The following RHOBTB1 variants were observed in gnomAD, a reference collection of about 807,000 sequenced individuals.
RHOBTB1 encodes Rho related BTB domain containing 1.
A neutral mutation model predicts 71.6 loss-of-function variants in RHOBTB1; 40 were observed. The ratio of observed to expected loss-of-function variants is 0.56; its 90% CI spans 0.43 to 0.73. The LOEUF (loss-of-function observed/expected upper bound fraction) is 0.73, where lower values mean the gene tolerates loss of function less well. Ranked by LOEUF, RHOBTB1 falls within the 30% of genes least tolerant of loss-of-function variation. The probability of loss-of-function intolerance (pLI) is 0.00; values close to 1 mark genes in which losing one functional copy is unlikely to be tolerated. For synonymous variants in RHOBTB1, 319 were observed against 334.9 expected, an observed-to-expected ratio of 0.95 and a Z score of 0.52; for missense variants, 797 against 894.0, an observed-to-expected ratio of 0.89 and a Z score of 1.38.
chr10:60,907,650 C>CT (rs1035072349), intron 4 of RHOBTB1, among the ~76,000 whole-genome samples: 1 of 152,066 alleles, frequency 6.6e-6, no homozygotes, highest in Non-Finnish European at 1.5e-5. Flanking sequence ...CCTATCAATA[C>CT]TTTTTTTTGG....
At chr10:60,972,390 A>G (rs536642964) in intron 2 of RHOBTB1, among the ~76,000 whole-genome samples, 1 of 152,288 alleles carries the variant, frequency 6.6e-6, no homozygotes, top group East Asian at 1.9e-4. Flanking sequence ...TTGCAGGGAC[A>G]TGGATGAAGC....
intron 2 of RHOBTB1, among the ~76,000 whole-genome samples, chr10:60,981,514 A>T (rs1012762117): frequency 2.0e-5 from 3 of 152,184 alleles, no homozygotes; most frequent in African/African-American, 7.2e-5. Flanking sequence ...CTCTTGCATT[A>T]ACCAAGATTT....
At chr10:60,967,225 T>A (rs2085996105) in intron 2 of RHOBTB1, among the ~76,000 whole-genome samples, 1 of 111,756 alleles carries the variant, frequency 8.9e-6, no homozygotes, top group African/African-American at 3.3e-5. Flanking sequence ...TCAAATGATC[T>A]AAGACCAATT....
intron 1 of RHOBTB1, among the ~76,000 whole-genome samples, chr10:60,986,225 T>G (rs571744449): frequency 2.0e-4 from 30 of 152,040 alleles, no homozygotes; most frequent in Non-Finnish European, 1.2e-4. Flanking sequence ...GATGCTTCCC[T>G]CATCTTCCAG....
the RHOBTB1 span, among the ~76,000 whole-genome samples, chr10:60,862,785 TTTC>T: frequency 1.3e-5 from 2 of 150,966 alleles, no homozygotes; most frequent in East Asian, 3.9e-4. Flanking sequence ...TTCCTCTTTC[TTTC>T]TTCCTTTCTT....
At chr10:60,923,809 A>C (rs543482949) in intron 2 of RHOBTB1, among the ~76,000 whole-genome samples, 4 of 152,156 alleles carry the variant, frequency 2.6e-5, no homozygotes, top group Admixed American at 2.0e-4. Context: ...TTCTGCTTTC[A>C]CTTGGATCTC....
intron 2 of RHOBTB1, among the ~76,000 whole-genome samples, chr10:60,921,455 G>A (rs1026786447): frequency 2.0e-5 from 3 of 152,202 alleles, no homozygotes; most frequent in African/African-American, 7.2e-5. Context: ...AAGACACACT[G>A]CAAACATCCT....
intron 9 of RHOBTB1, 92 bp downstream of exon 9, chr10:60,874,862 T>C (rs2080967485): frequency 3.3e-6 from 3 of 906,402 alleles, no homozygotes; most frequent in Non-Finnish European, 5.4e-6. Flanking sequence ...GGTGACATCT[T>C]CATTTAGACA....
chr10:60,899,698 T>G (rs932523197), intron 4 of RHOBTB1, among the ~76,000 whole-genome samples: 5 of 152,234 alleles, frequency 3.3e-5, no homozygotes, highest in Non-Finnish European at 5.9e-5. Flanking sequence ...GTACCAGGCA[T>G]TCTTCTAGAC....
upstream of RHOBTB1, among the ~76,000 whole-genome samples, chr10:61,001,861 A>G (rs183209812): frequency 4.6e-3 from 701 of 152,256 alleles, 3 homozygotes; most frequent in Non-Finnish European, 7.0e-3. Flanking sequence ...CCTCCCCAGG[A>G]CCCACCCACC....
chr10:60,892,957 G>A lies in RHOBTB1; in HGVS notation c.335C>T (p.Pro112Leu). The A allele has an allele frequency of 6.2e-7, 1 of 1,613,772 alleles. No individual in the cohort carries two copies. Among genetic ancestry groups the A allele is most frequent in the African/African-American group, 1.3e-5 (1 of 74,952 alleles). Residue 112 changes from proline (P) to leucine (L), a missense_variant, in exon 5 of 11, where the codon CCC (proline) becomes CTC (leucine). This residue lies in a region of RHOBTB1 where 139 missense variants were observed against 212.5 expected (regional missense o/e 0.65). Coordinates refer to ENST00000337910, the MANE Select transcript of RHOBTB1 (RefSeq NM_014836.5). The part of the protein sequence containing the change: ...VVVLCFSIAN[P>L]NSLNHVKSMW... Reference sequence around the variant, plus strand: ...GCTTTTCACATGATTTAGGGAATTGGGATTAGCAATCGAAAAACAGAGGAC... The same window carrying A: ...GCTTTTCACATGATTTAGGGAATTGAGATTAGCAATCGAAAAACAGAGGAC...
intron 4 of RHOBTB1, among the ~76,000 whole-genome samples, chr10:60,899,434 G>C (rs779142114): frequency 6.6e-6 from 1 of 152,128 alleles, no homozygotes; most frequent in Non-Finnish European, 1.5e-5. Context: ...CAAGTTGCAC[G>C]CATAAGAAAA....
At chr10:60,911,060 T>C (rs1469818981) in intron 3 of RHOBTB1, 70 bp from the exon 4 acceptor site, 2 of 1,173,180 alleles carry the variant, frequency 1.7e-6, no homozygotes, top group Non-Finnish European at 2.5e-6. Context: ...CGTGTTCAAG[T>C]CAGCACCCTC....
At chr10:60,984,040 C>A (rs115493921) in intron 2 of RHOBTB1, among the ~76,000 whole-genome samples, 40 of 152,308 alleles carry the variant, frequency 2.6e-4, no homozygotes, top group African/African-American at 9.6e-4. Flanking sequence ...CACTTAAAAT[C>A]TCTCTAACTT....
rs182293631 is a variant in RHOBTB1 at position 60,876,243 on chromosome 10, T to A, written c.1727-1201A>T. Among the ~76,000 whole-genome samples, 333 of 152,310 alleles carry A rather than the reference T, an allele frequency of 2.2e-3. 2 individuals carry two copies. Among genetic ancestry groups the A allele is most frequent in the African/African-American group, 7.4e-3 (309 of 41,560 alleles). On this transcript the variant is annotated intron_variant, in intron 8 of 10. Transcript: ENST00000337910. ...TTTAAACACCATGTTCTAAACACTC[T>A]ACACTAGACAGTACAAAGCAAATAC...
chr10:60,958,032 C>T (rs1183255517), intron 2 of RHOBTB1, among the ~76,000 whole-genome samples: 1 of 152,132 alleles, frequency 6.6e-6, no homozygotes, highest in African/African-American at 2.4e-5. Flanking sequence ...CAGATACAGA[C>T]CCCACAGTTA....
chr10:60,904,926 A>G (rs1403170365), intron 4 of RHOBTB1, among the ~76,000 whole-genome samples: 2 of 152,236 alleles, frequency 1.3e-5, no homozygotes, highest in Admixed American at 1.3e-4. Flanking sequence ...CACAACCAGT[A>G]ATAATTTTCC....
intron 1 of RHOBTB1, among the ~76,000 whole-genome samples, chr10:60,993,508 T>C (rs957375106): frequency 1.3e-5 from 2 of 152,196 alleles, no homozygotes; most frequent in Non-Finnish European, 2.9e-5. Context: ...TTTTCTCCTT[T>C]GCATTGCCTG....
At chr10:60,958,683 C>T (rs988875997) in intron 2 of RHOBTB1, among the ~76,000 whole-genome samples, 2 of 152,116 alleles carry the variant, frequency 1.3e-5, no homozygotes, top group South Asian at 4.1e-4. Context: ...AGTTCACTGC[C>T]TTGACTGCCT....
Sources: gnomAD v4.1 joint callset for allele counts (sites outside exome capture counted in the v4.1 genomes callset) on GRCh38, gnomAD v4.1.1 for gene constraint, gnomAD v4.1.1 regional missense constraint, MANE v1.5 for transcripts, NCBI Gene and HGNC (gene_info 2026-07-23, HGNC 2026-07-21) for gene names.